The following NALF1 variants were observed in gnomAD, a reference collection of about 807,000 sequenced individuals.
The protein encoded by NALF1 is NALCN channel auxiliary factor 1.
In NALF1, 3 loss-of-function variants were observed where a neutral mutation model predicts 48.4. The ratio of observed to expected loss-of-function variants is 0.06; its 90% CI spans 0.03 to 0.16. NALF1 has a LOEUF of 0.16. NALF1 is among the 10% of genes least tolerant of loss of function. The pLI, the probability that NALF1 is intolerant of heterozygous loss-of-function variation, is 1.00. For missense variants in NALF1, 526 were observed against 571.5 expected (o/e 0.92, Z 0.81); for synonymous variants, 262 against 245.7 (o/e 1.07, Z -0.62).
At chr13:107,385,318 C>G (rs939845454) in intron 1 of NALF1, among the ~76,000 whole-genome samples, 2 of 151,886 alleles carry the variant, frequency 1.3e-5, no homozygotes, top group Non-Finnish European at 2.9e-5. Flanking sequence ...TTTGGGAGGC[C>G]GAGGAGGGTG....
intron 1 of NALF1, among the ~76,000 whole-genome samples, chr13:107,644,036 T>G (rs1019713834): frequency 6.6e-6 from 1 of 150,628 alleles, no homozygotes; most frequent in Non-Finnish European, 1.5e-5. Flanking sequence ...AATGTGTAAT[T>G]TATTTACATG....
intron 1 of NALF1, among the ~76,000 whole-genome samples, chr13:107,811,365 C>T (rs1050499257): frequency 6.6e-6 from 1 of 152,114 alleles, no homozygotes; most frequent in Admixed American, 6.6e-5. Flanking sequence ...TATAAATGTC[C>T]CTGATTCCTG....
chr13:107,233,448 G>C (rs1880269719), intron 1 of NALF1, among the ~76,000 whole-genome samples: 1 of 152,152 alleles, frequency 6.6e-6, no homozygotes, highest in African/African-American at 2.4e-5. Flanking sequence ...CCATTTAGTA[G>C]AATGTATGAA....
At chr13:107,327,532 C>T (rs1408365692) in intron 1 of NALF1, among the ~76,000 whole-genome samples, 1 of 152,112 alleles carries the variant, frequency 6.6e-6, no homozygotes, top group Non-Finnish European at 1.5e-5. Context: ...GGTATAATTA[C>T]CACTTAATCA....
rs150029166 is a variant in NALF1 at position 107,659,114 on chromosome 13, G to GACACAGACACAC, written c.915+206567_915+206568insGTGTGTCTGTGT. Among the ~76,000 whole-genome samples, 7 of 145,804 alleles carry GACACAGACACAC rather than the reference G, an allele frequency of 4.8e-5. No individual in the cohort carries two copies. The Admixed American group carries it at 4.8e-4, about 10-fold the overall frequency. On this transcript the variant is annotated intron_variant, in intron 1 of 2. Coordinates refer to ENST00000375915, the MANE Select transcript of NALF1 (RefSeq NM_001080396.3). ...GCCAGCACTGACACACTGACACACA[G>GACACAGACACAC]ACACACACACACACACACACACACA...
Position 107,170,225 on chromosome 13 carries a change from C to T in NALF1, c.*272G>A. On this transcript the variant is annotated 3_prime_UTR_variant, in exon 3 of 3. Coordinates refer to ENST00000375915, the MANE Select transcript of NALF1 (RefSeq NM_001080396.3). ...CAAAAAATAAACAAACAAATAAACC[C>T]AAACCAAAACGAAAGCAAATAAAAC... The T allele has an allele frequency of 2.9e-6, 1 of 344,966 alleles. No homozygotes were observed. Among genetic ancestry groups the T allele is most frequent in the Non-Finnish European group, 5.3e-6 (1 of 189,448 alleles). The allele number at this position is 344,966 out of a possible 1,614,324, so 21.4% of individuals were successfully genotyped here.
chr13:107,703,340 C>G (rs1230852704), intron 1 of NALF1, among the ~76,000 whole-genome samples: 1 of 150,586 alleles, frequency 6.6e-6, no homozygotes, highest in African/African-American at 2.4e-5. Context: ...TTGACAAATG[C>G]CTTGCATGTC....
intron 1 of NALF1, among the ~76,000 whole-genome samples, chr13:107,325,201 G>A (rs1477255854): frequency 6.6e-6 from 1 of 151,594 alleles, no homozygotes; most frequent in Admixed American, 6.6e-5. Flanking sequence ...CATATTATAA[G>A]ACAAAATGGC....
At chr13:107,819,768 A>G (rs942913215) in intron 1 of NALF1, among the ~76,000 whole-genome samples, 2 of 143,490 alleles carry the variant, frequency 1.4e-5, no homozygotes, top group African/African-American at 5.4e-5. Flanking sequence ...TCTCTTTCAC[A>G]CACACACACA....
chr13:107,605,931 G>A (rs868537977), intron 1 of NALF1, among the ~76,000 whole-genome samples: 1 of 152,166 alleles, frequency 6.6e-6, no homozygotes, highest in African/African-American at 2.4e-5. Flanking sequence ...ACCCAGCCAG[G>A]CTGTATCATT....
At chr13:107,412,132 C>A (rs765675830) in intron 1 of NALF1, among the ~76,000 whole-genome samples, 8 of 152,152 alleles carry the variant, frequency 5.3e-5, no homozygotes, top group Non-Finnish European at 1.0e-4. Flanking sequence ...GAGACAGAGA[C>A]ACCAGTAGGT....
Position 107,392,478 on chromosome 13 carries a change from C to CGCA in NALF1, c.916-181726_916-181724dup, listed in dbSNP as rs1883644115. On this transcript the variant is annotated intron_variant, in intron 1 of 2. Transcript: ENST00000375915. Reference sequence around the variant, plus strand: ...TCTGATAGCAGAGATAGCCCTCTCACGCAGCAATTTTTCTTGGTTCTGTTT... The same window carrying CGCA: ...TCTGATAGCAGAGATAGCCCTCTCACGCAGCAGCAATTTTTCTTGGTTCTGTTT... Among the ~76,000 whole-genome samples the CGCA allele has an allele frequency of 2.0e-5, 3 of 152,240 alleles. No individual in the cohort carries two copies. In the East Asian group the frequency reaches 5.8e-4, roughly 30 times the overall value.
chr13:107,499,022 C>A (rs1274558198), intron 1 of NALF1, among the ~76,000 whole-genome samples: 4 of 152,110 alleles, frequency 2.6e-5, no homozygotes, highest in Non-Finnish European at 2.9e-5. Context: ...ATATCTAACA[C>A]ACACACATAA....
At chr13:107,414,314 C>G (rs1884046828) in intron 1 of NALF1, among the ~76,000 whole-genome samples, 1 of 151,104 alleles carries the variant, frequency 6.6e-6, no homozygotes. Flanking sequence ...TCTTTCTTTT[C>G]TTCTTTTCTT....
chr13:107,794,044 G>C (rs1262846978), intron 1 of NALF1, among the ~76,000 whole-genome samples: 2 of 152,076 alleles, frequency 1.3e-5, no homozygotes, highest in Non-Finnish European at 2.9e-5. Context: ...AAACAGGAGA[G>C]AGAATTTCAC....
intron 1 of NALF1, among the ~76,000 whole-genome samples, chr13:107,840,212 G>A (rs74112675): frequency 4.6e-5 from 7 of 152,146 alleles, no homozygotes; most frequent in Non-Finnish European, 7.3e-5. Flanking sequence ...AAGAAACAGA[G>A]GATTGAGTCT....
chr13:107,299,471 T>TAATAATAATAATAAA (rs1199620956), intron 1 of NALF1, among the ~76,000 whole-genome samples: 6 of 51,504 alleles, frequency 1.2e-4, no homozygotes, highest in African/African-American at 3.6e-4. Flanking sequence ...ATAATAATAA[T>TAATAATAATAATAAA]AAATAAATAA....
chr13:107,420,664 G>C (rs1884170112), intron 1 of NALF1, among the ~76,000 whole-genome samples: 1 of 152,112 alleles, frequency 6.6e-6, no homozygotes, highest in South Asian at 2.1e-4. Context: ...AATCTAGGAA[G>C]AAGCAATCAT....
At chr13:107,360,958 T>A (rs12430313) in intron 1 of NALF1, among the ~76,000 whole-genome samples, 39,889 of 152,020 alleles carry the variant, frequency 0.26, 5,961 homozygotes, top group African/African-American at 0.4. Flanking sequence ...CACTGATTGC[T>A]TATCAGTGAT....
Sources: gnomAD v4.1 joint callset for allele counts (sites outside exome capture counted in the v4.1 genomes callset) on GRCh38, gnomAD v4.1.1 for gene constraint, MANE v1.5 for transcripts, NCBI Gene and HGNC (gene_info 2026-07-23, HGNC 2026-07-21) for gene names.